The following CEP135 variants were observed in gnomAD, a reference collection of about 807,000 sequenced individuals.
The protein encoded by CEP135 is centrosomal protein of 135 kDa.
A neutral mutation model predicts 157.3 loss-of-function variants in CEP135; 142 were observed. That is an observed-to-expected ratio of 0.90 (90% confidence interval 0.79 to 1.04). The LOEUF (loss-of-function observed/expected upper bound fraction) is 1.04. CEP135 is among the 50% of genes least tolerant of loss of function. CEP135 has a pLI of 0.00. For missense variants in CEP135, 1,317 were observed against 1,309.2 expected (o/e 1.01, Z -0.09); for synonymous variants, 396 against 439.8 (o/e 0.90, Z 1.25).
At chr4:56,024,848 G>A (rs1731100740) in intron 25 of CEP135, among the ~76,000 whole-genome samples, 1 of 151,018 alleles carries the variant, frequency 6.6e-6, no homozygotes, top group Non-Finnish European at 1.5e-5. Flanking sequence ...TTAAGAGATG[G>A]GGTCTCGGCC....
intron 14 of CEP135, 36 bp from the exon 15 acceptor site, chr4:55,991,898 A>G: frequency 9.5e-7 from 1 of 1,053,862 alleles, no homozygotes; most frequent in Non-Finnish European, 1.3e-6. Context: ...TAACGTATTA[A>G]GATATATACC....
chr4:55,956,334 A>G (rs1228914344), intron 4 of CEP135, among the ~76,000 whole-genome samples: 1 of 152,164 alleles, frequency 6.6e-6, no homozygotes, highest in Non-Finnish European at 1.5e-5. Context: ...AAAGAGATAA[A>G]TTGTCCATGT....
At position 55,985,373 on chromosome 4, in the gene CEP135, TG is replaced by T; in HGVS notation, c.1857+17del. 1 of 1,457,102 alleles carries T rather than the reference TG, an allele frequency of 6.9e-7. No individual in the cohort carries two copies. Among genetic ancestry groups the T allele is most frequent in the South Asian group, 1.2e-5 (1 of 82,778 alleles). The allele number at this position is 1,457,102 out of a possible 1,614,324, so 90.3% of individuals were successfully genotyped here. ...TTAATCATCAGGTAATGTATCAAAC[TG>T]GATTTGGGGTATCTTGTGTTATATG... On this transcript the variant is annotated intron_variant, in intron 14 of 25. Coordinates refer to ENST00000257287, the MANE Select transcript of CEP135 (RefSeq NM_025009.5).
chr4:55,975,139 A>G (rs1393623958), intron 11 of CEP135, among the ~76,000 whole-genome samples, 170 bp downstream of exon 11: 1 of 152,194 alleles, frequency 6.6e-6, no homozygotes, highest in Admixed American at 6.5e-5. Flanking sequence ...AATTAGGAAA[A>G]TTACTTAAGA....
intron 14 of CEP135, among the ~76,000 whole-genome samples, chr4:55,988,883 C>G (rs1729692089): frequency 6.7e-6 from 1 of 150,216 alleles, no homozygotes. Context: ...ATGGCATGAA[C>G]CTAGGATGCC....
At chr4:56,010,303 A>G (rs1311380924) in intron 19 of CEP135, among the ~76,000 whole-genome samples, 1 of 148,906 alleles carries the variant, frequency 6.7e-6, no homozygotes, top group African/African-American at 2.5e-5. Context: ...CAGAGGTTGC[A>G]GTGAGCCGAG....
At chr4:56,013,300 C>T (rs2702359) in intron 21 of CEP135, among the ~76,000 whole-genome samples, 84,443 of 151,964 alleles carry the variant, frequency 0.56, 23,913 homozygotes, top group African/African-American at 0.67. Context: ...TTAGTGTATA[C>T]GTGATTTGCA....
In CEP135 at chr4:56,032,655, A is replaced by G. The variant is rs1731397449; in HGVS notation, c.*1307A>G. Reference sequence around the variant, plus strand: ...ATTTTCAAAGTTGTAATTTTAAAGAATTTGGGTGTATACCTATGTTAATGA... The same window carrying G: ...ATTTTCAAAGTTGTAATTTTAAAGAGTTTGGGTGTATACCTATGTTAATGA... On this transcript the variant is annotated 3_prime_UTR_variant, in exon 26 of 26. Coordinates refer to ENST00000257287, the MANE Select transcript of CEP135 (RefSeq NM_025009.5). The G allele has an allele frequency of 6.6e-6, 1 of 152,184 alleles. No homozygotes were observed. The highest frequency in any genetic ancestry group is 6.5e-5 in the Admixed American group (1 of 15,276). 9.4% of individuals were successfully genotyped at this position (152,184 alleles called of 1,614,324 possible).
At chr4:55,997,335 T>C (rs1730008541) in intron 15 of CEP135, among the ~76,000 whole-genome samples, 1 of 152,218 alleles carries the variant, frequency 6.6e-6, no homozygotes, top group African/African-American at 2.4e-5. Flanking sequence ...ACCTAAGGGC[T>C]TCCTTTATAT....
chr4:56,012,383 G>A (rs975758074), intron 21 of CEP135, among the ~76,000 whole-genome samples: 11 of 152,164 alleles, frequency 7.2e-5, no homozygotes, highest in East Asian at 1.9e-4. Context: ...ACCTGAGGTC[G>A]TAAACATTGA....
At chr4:56,011,350 A>G (rs576674680) in intron 19 of CEP135, 62 bp from the exon 20 acceptor site, 1 of 1,086,216 alleles carries the variant, frequency 9.2e-7, no homozygotes, top group East Asian at 2.5e-5. Context: ...TTATTTGAAT[A>G]TAAATAAAAT....
chr4:56,016,945 G>A (rs949461978), intron 21 of CEP135, among the ~76,000 whole-genome samples: 1 of 152,120 alleles, frequency 6.6e-6, no homozygotes, highest in Non-Finnish European at 1.5e-5. Context: ...GAGTGTTGGG[G>A]TTGCAGACGT....
rs755588182 is a variant in CEP135 at position 55,992,040 on chromosome 4, T to C, written c.1964T>C (p.Val655Ala). The C allele has an allele frequency of 6.2e-7, 1 of 1,609,108 alleles. No individual in the cohort carries two copies. Among genetic ancestry groups the C allele is most frequent in the Non-Finnish European group, 8.5e-7 (1 of 1,178,588 alleles). ...LKVQAQKFSH[V>A]AGDSSHQKTE... ...GTCCAAGCTCAAAAATTTAGCCATG[T>C]GGCTGGTGACTCATCTCATCAGAAA... Residue 655 changes from valine to alanine, a missense_variant, in exon 15 of 26, where the codon GTG becomes GCG. By Grantham distance (64) the Val-to-Ala change is moderately conservative (BLOSUM62 0). Transcript: ENST00000257287.
At position 55,981,674 on chromosome 4, in the gene CEP135, G is replaced by A. The variant is rs547047827; in HGVS notation, c.1779+295G>A. ...TGCCAATCCCTGAACTTAAGCAGAA[G>A]TTTCTCATATGGGAAGACAGTATCT... is the stretch of plus-strand genomic sequence containing the variant. On this transcript the variant is annotated intron_variant, in intron 13 of 25. Coordinates refer to ENST00000257287, the MANE Select transcript of CEP135 (RefSeq NM_025009.5). 4.6e-5 allele frequency among the ~76,000 whole-genome samples: 7 copies of A among 152,228 alleles called. No individual in the cohort carries two copies. The South Asian group carries it at 8.3e-4, about 18-fold the overall frequency.
rs1728441225 is a variant in CEP135 at position 55,954,199 on chromosome 4, A to G, written c.305-17A>G. The G allele has an allele frequency of 6.4e-7, 1 of 1,556,774 alleles. No homozygotes were observed. The highest frequency in any genetic ancestry group is 1.9e-4 in the Middle Eastern group (1 of 5,326). On this transcript the variant is annotated splice_polypyrimidine_tract_variant and intron_variant, in intron 3 of 25. Transcript: ENST00000257287. ...TCTTGATCTTTAAAACGGTCTTTGA[A>G]TCTTTTTCATTTTAAGAGTTGAAAA... is the stretch of plus-strand genomic sequence containing the variant.
At chr4:55,964,235 A>G in intron 6 of CEP135, 39 bp from the exon 7 acceptor site, 4 of 1,572,696 alleles carry the variant, frequency 2.5e-6, no homozygotes, top group Non-Finnish European at 3.4e-6. Flanking sequence ...TTGGTTGAAA[A>G]CCAGATTTTT....
Position 56,009,524 on chromosome 4 carries a change from A to AT in CEP135, c.2337-202dup, listed in dbSNP as rs956332707. On this transcript the variant is annotated intron_variant, in intron 18 of 25. Coordinates refer to ENST00000257287, the MANE Select transcript of CEP135 (RefSeq NM_025009.5). ...GTGTTTACTTGACTGTTGGAATAACATTTTTTTTTAACTTCATTTGCATGT... is the reference window on the plus strand; with the variant it reads ...GTGTTTACTTGACTGTTGGAATAACATTTTTTTTTTAACTTCATTTGCATGT... Among the ~76,000 whole-genome samples the AT allele has an allele frequency of 9.8e-4, 149 of 151,428 alleles. 1 individual carries two copies. Among genetic ancestry groups the AT allele is most frequent in the African/African-American group, 2.4e-3 (99 of 41,372 alleles).
In CEP135 at chr4:56,032,970, C is replaced by G. The variant is rs1008079024; in HGVS notation, c.*1622C>G. 1.1e-4 allele frequency: 17 copies of G among 151,762 alleles called. No homozygotes were observed. The highest frequency in any genetic ancestry group is 1.6e-4 in the Non-Finnish European group (11 of 67,962). 9.4% of individuals were successfully genotyped at this position (151,762 alleles called of 1,614,324 possible). ...GTGTATTAGGATGTGGGCTGGTTTG[C>G]TTTTCTACCACCTTTGTAATTTTAT... On this transcript the variant is annotated 3_prime_UTR_variant, in exon 26 of 26. Coordinates refer to ENST00000257287, the MANE Select transcript of CEP135 (RefSeq NM_025009.5).
At chr4:55,949,900 A>T (rs1728307133) in intron 1 of CEP135, among the ~76,000 whole-genome samples, 2 of 152,090 alleles carry the variant, frequency 1.3e-5, no homozygotes, top group African/African-American at 4.8e-5. Flanking sequence ...ATTCATTCTC[A>T]TTCTCTCCCC....
Sources: gnomAD v4.1 joint callset for allele counts (sites outside exome capture counted in the v4.1 genomes callset) on GRCh38, gnomAD v4.1.1 for gene constraint, MANE v1.5 for transcripts, NCBI Gene and HGNC (gene_info 2026-07-23, HGNC 2026-07-21) for gene names.